The following GARIN2 variants were observed in gnomAD, a reference collection of about 807,000 sequenced individuals.
The protein encoded by GARIN2 is golgi associated RAB2 interactor family member 2.
chr14:67,199,230 G>A, the GARIN2 span: 1 of 1,605,478 alleles, frequency 6.2e-7, no homozygotes, highest in East Asian at 2.2e-5. Flanking sequence ...CCAAGGCTAT[G>A]ACTTTGTGAA....
chr14:67,194,928 G>C, the GARIN2 span, among the ~76,000 whole-genome samples: 1 of 152,168 alleles, frequency 6.6e-6, no homozygotes, highest in East Asian at 1.9e-4. Context: ...AAAGTGCTGG[G>C]ATTATAGGCG....
the GARIN2 span, chr14:67,201,406 C>G: frequency 2.2e-6 from 1 of 455,842 alleles, no homozygotes; most frequent in African/African-American, 2.0e-5. Flanking sequence ...CCCCAATTCT[C>G]TCTTTTTGCT....
At chr14:67,216,898 GA>G in the GARIN2 span, among the ~76,000 whole-genome samples, 1 of 152,166 alleles carries the variant, frequency 6.6e-6, no homozygotes, top group Admixed American at 6.5e-5. Context: ...GCTGTTGGAT[GA>G]AATGTTCTAT....
the GARIN2 span, chr14:67,199,425 C>A: frequency 6.2e-6 from 10 of 1,613,400 alleles, no homozygotes; most frequent in East Asian, 2.0e-4. Flanking sequence ...ACTTTCAGCG[C>A]CTTTGGGGTC....
At chr14:67,223,851 C>T in the GARIN2 span, 1 of 985,784 alleles carries the variant, frequency 1.0e-6, no homozygotes, top group Non-Finnish European at 1.2e-6. Context: ...CTTTTACTCT[C>T]ACTTAACACC....
chr14:67,216,595 T>C, the GARIN2 span, among the ~76,000 whole-genome samples: 3,605 of 152,206 alleles, frequency 0.024, 158 homozygotes, highest in African/African-American at 0.083. Context: ...TTTCGTATAT[T>C]GTATTTCTAT....
chr14:67,207,185 C>T, the GARIN2 span, among the ~76,000 whole-genome samples: 3 of 151,912 alleles, frequency 2.0e-5, no homozygotes, highest in East Asian at 5.8e-4. Flanking sequence ...TGAGGCTGGG[C>T]AATTAATAAA....
chr14:67,224,636 TA>T, the GARIN2 span: 1 of 305,470 alleles, frequency 3.3e-6, no homozygotes, highest in Non-Finnish European at 6.4e-6. Flanking sequence ...TTTTTTTTTT[TA>T]CAGTGAGCCC....
the GARIN2 span, among the ~76,000 whole-genome samples, chr14:67,196,200 C>CCTTTCTTTTCTTTT: frequency 1.4e-4 from 21 of 151,418 alleles, 1 homozygote; most frequent in African/African-American, 4.8e-4. Flanking sequence ...CTTTTTCTTT[C>CCTTTCTTTTCTTTT]CTTTCTTTTC....
At chr14:67,191,986 A>AG in the GARIN2 span, among the ~76,000 whole-genome samples, 3 of 152,206 alleles carry the variant, frequency 2.0e-5, no homozygotes, top group Non-Finnish European at 4.4e-5. Context: ...GAAAGGATTG[A>AG]GGGGGAGAAA....
chr14:67,228,266 T>C, the GARIN2 span: 1 of 208,898 alleles, frequency 4.8e-6, no homozygotes, highest in East Asian at 1.8e-4. Context: ...ATTTTTTATA[T>C]CAAGAAGAAA....
chr14:67,199,248 GT>G, the GARIN2 span: 6 of 1,600,448 alleles, frequency 3.7e-6, no homozygotes, highest in Admixed American at 8.3e-5. Flanking sequence ...GAATTCTTGA[GT>G]GAGGATGATG....
chr14:67,212,255 T>C, the GARIN2 span, among the ~76,000 whole-genome samples: 1 of 152,162 alleles, frequency 6.6e-6, no homozygotes, highest in African/African-American at 2.4e-5. Flanking sequence ...AATTCATTTT[T>C]AACAGTGTAG....
chr14:67,213,998 T>A, the GARIN2 span, among the ~76,000 whole-genome samples: 2 of 152,242 alleles, frequency 1.3e-5, no homozygotes, highest in Non-Finnish European at 2.9e-5. Context: ...CTTCGCCCAC[T>A]TTTTGATGGG....
the GARIN2 span, chr14:67,208,526 A>C: frequency 7.0e-7 from 1 of 1,436,732 alleles, no homozygotes; most frequent in South Asian, 1.4e-5. Flanking sequence ...TTAGTCTCTT[A>C]ACTCAGGCAT....
At chr14:67,198,338 C>A in the GARIN2 span, 9 of 1,602,594 alleles carry the variant, frequency 5.6e-6, no homozygotes, top group Non-Finnish European at 7.7e-6. Flanking sequence ...ATATTCAAGG[C>A]CTGAGTTAAG....
At chr14:67,192,440 T>C in the GARIN2 span, among the ~76,000 whole-genome samples, 2 of 152,098 alleles carry the variant, frequency 1.3e-5, no homozygotes, top group African/African-American at 4.8e-5. Flanking sequence ...CCAAAGTTAA[T>C]TATGATATCT....
the GARIN2 span, among the ~76,000 whole-genome samples, chr14:67,224,173 A>G: frequency 6.6e-6 from 1 of 151,922 alleles, no homozygotes; most frequent in African/African-American, 2.4e-5. Context: ...GGCACTTCAA[A>G]TGCACTGTTT....
chr14:67,225,175 C>T, the GARIN2 span: 9 of 1,578,342 alleles, frequency 5.7e-6, no homozygotes, highest in Non-Finnish European at 7.7e-6. Flanking sequence ...CCTCATCTGT[C>T]TGCCCCTTTC....
Sources: allele counts gnomAD v4.1 joint callset (sites outside exome capture counted in the v4.1 genomes callset), GRCh38; gene constraint gnomAD v4.1.1; transcripts MANE v1.5; gene names NCBI Gene and HGNC (gene_info 2026-07-23, HGNC 2026-07-21).